The following CAMKMT variants were observed in gnomAD, a reference collection of about 807,000 sequenced individuals.
CAMKMT encodes the protein calmodulin-lysine N-methyltransferase.
CAMKMT carries 53 observed loss-of-function variants against 48.0 expected under a neutral mutation model. That is an observed-to-expected ratio of 1.10 (90% CI 0.89 to 1.39). CAMKMT has a LOEUF of 1.39. Ranked by LOEUF, CAMKMT falls within the 40% of genes most tolerant of loss-of-function variation. The probability of loss-of-function intolerance (pLI) is 0.00; values close to 1 mark genes in which losing one functional copy is unlikely to be tolerated. For missense variants in CAMKMT, 428 were observed against 402.7 expected (o/e 1.06, Z -0.54); for synonymous variants, 165 against 152.3 (o/e 1.08, Z -0.61).
Position 44,417,892 on chromosome 2 carries a change from A to T in CAMKMT, c.376+27587A>T, listed in dbSNP as rs182497122. 9.2e-5 allele frequency among the ~76,000 whole-genome samples: 14 copies of T among 152,074 alleles called. 1 individual carries two copies. Among genetic ancestry groups the T allele is most frequent in the Admixed American group, 8.5e-4 (13 of 15,256 alleles). ...ATGTTTTGCCCATTTTAAAAATCAG[A>T]TTGTCTTAATGAGTTGTAGGCCGGG... On this transcript the variant is annotated intron_variant, in intron 3 of 10. Coordinates refer to ENST00000378494, the MANE Select transcript of CAMKMT (RefSeq NM_024766.5).
intron 3 of CAMKMT, among the ~76,000 whole-genome samples, chr2:44,487,097 C>T (rs908195513): frequency 5.9e-5 from 9 of 152,042 alleles, no homozygotes; most frequent in East Asian, 1.9e-4. Context: ...TTAAATTTTA[C>T]GATAAACTAA....
intron 3 of CAMKMT, among the ~76,000 whole-genome samples, chr2:44,409,110 T>G (rs895850092): frequency 7.6e-4 from 3 of 3,942 alleles, no homozygotes; most frequent in African/African-American, 2.4e-3. Flanking sequence ...TATATATATA[T>G]ATATATATAT....
chr2:44,696,029 A>G (rs1216139496), intron 3 of CAMKMT, among the ~76,000 whole-genome samples: 3 of 151,966 alleles, frequency 2.0e-5, no homozygotes, highest in African/African-American at 7.3e-5. Context: ...TGCAACCTCC[A>G]ACTCCCAGGT....
intron 3 of CAMKMT, among the ~76,000 whole-genome samples, chr2:44,412,999 C>T (rs1475468121): frequency 6.6e-6 from 1 of 151,456 alleles, no homozygotes; most frequent in African/African-American, 2.4e-5. Flanking sequence ...TGGCTTGAAC[C>T]CGGGAAGCAG....
chr2:44,430,746 C>A (rs915249626), intron 3 of CAMKMT, among the ~76,000 whole-genome samples: 1 of 151,912 alleles, frequency 6.6e-6, no homozygotes, highest in Non-Finnish European at 1.5e-5. Flanking sequence ...GAGATTATTT[C>A]TTTCAAATAG....
chr2:44,489,313 T>C (rs1404360945), intron 3 of CAMKMT, among the ~76,000 whole-genome samples: 1 of 150,344 alleles, frequency 6.7e-6, no homozygotes, highest in East Asian at 2.0e-4. Context: ...TGGCGCAATC[T>C]TGGCTCACTG....
At chr2:44,636,115 C>T (rs965860842) in intron 3 of CAMKMT, among the ~76,000 whole-genome samples, 2 of 152,044 alleles carry the variant, frequency 1.3e-5, no homozygotes, top group Admixed American at 1.3e-4. Context: ...TAAACTTTGG[C>T]AAATTACTTT....
intron 3 of CAMKMT, among the ~76,000 whole-genome samples, chr2:44,511,794 G>A (rs567917170): frequency 1.8e-4 from 27 of 152,148 alleles, no homozygotes; most frequent in African/African-American, 2.2e-4. Flanking sequence ...TCTTTTGGTT[G>A]GGTCCCTCAC....
intron 8 of CAMKMT, among the ~76,000 whole-genome samples, chr2:44,752,582 G>A (rs1025455835): frequency 3.3e-5 from 5 of 151,624 alleles, no homozygotes; most frequent in Non-Finnish European, 5.9e-5. Flanking sequence ...AGCTGTCTTC[G>A]TCCATTTTCT....
Position 44,588,355 on chromosome 2 carries a change from G to A in CAMKMT, c.377-115928G>A, listed in dbSNP as rs1333501487. 1.1e-3 allele frequency among the ~76,000 whole-genome samples: 83 copies of A among 76,280 alleles called. 7 individuals are homozygous for A. Among genetic ancestry groups the A allele is most frequent in the Admixed American group, 2.6e-3 (20 of 7,586 alleles). The allele number at this position is 76,280 out of a possible 152,430, so 50.0% of individuals were successfully genotyped here. A position where few individuals can be genotyped will look rare whatever the true frequency, so the allele number is the denominator to read the frequency against. ...CAGCCGCCCCGTCCGGGAGGGGAGG[G>A]GCTCCTCTGCCCGGCCGCGCCTACT... On this transcript the variant is annotated intron_variant, in intron 3 of 10. Transcript: ENST00000378494.
intron 3 of CAMKMT, among the ~76,000 whole-genome samples, chr2:44,518,135 A>C (rs1042853529): frequency 3.9e-5 from 6 of 152,096 alleles, no homozygotes; most frequent in African/African-American, 1.4e-4. Flanking sequence ...ATAATGTAGG[A>C]GTATGGAAAA....
chr2:44,762,799 C>A (rs1680672981), intron 9 of CAMKMT, among the ~76,000 whole-genome samples: 1 of 152,190 alleles, frequency 6.6e-6, no homozygotes, highest in Non-Finnish European at 1.5e-5. Context: ...TTTAGTGGAA[C>A]TTCTCCCTCT....
Position 44,722,633 on chromosome 2 carries a change from C to T in CAMKMT, c.623+7280C>T, listed in dbSNP as rs371116405. ...AAGAACAAAATTACATTAAAAAATG[C>T]ACTGCACTTGAAAGTATGTAAGTTT... On this transcript the variant is annotated intron_variant, in intron 7 of 10. Coordinates refer to ENST00000378494, the MANE Select transcript of CAMKMT (RefSeq NM_024766.5). 9.9e-5 allele frequency among the ~76,000 whole-genome samples: 15 copies of T among 151,958 alleles called. No homozygotes were observed. The South Asian group carries it at 2.9e-3, about 30-fold the overall frequency.
At chr2:44,546,710 A>T (rs1367523498) in intron 3 of CAMKMT, among the ~76,000 whole-genome samples, 1 of 152,206 alleles carries the variant, frequency 6.6e-6, no homozygotes, top group Admixed American at 6.5e-5. Context: ...CACTTAGCAT[A>T]GTCAGTAGGG....
intron 3 of CAMKMT, among the ~76,000 whole-genome samples, chr2:44,611,211 C>T (rs1251175940): frequency 6.6e-6 from 1 of 152,120 alleles, no homozygotes; most frequent in Non-Finnish European, 1.5e-5. Context: ...GTGGGTGGAT[C>T]ACCCGAGGTC....
At chr2:44,498,392 A>T (rs571725409) in intron 3 of CAMKMT, among the ~76,000 whole-genome samples, 1 of 152,352 alleles carries the variant, frequency 6.6e-6, no homozygotes, top group African/African-American at 2.4e-5. Flanking sequence ...ATTTATTAAC[A>T]GAGTAGGTGG....
intron 7 of CAMKMT, among the ~76,000 whole-genome samples, chr2:44,728,937 G>A (rs1678940071): frequency 7.1e-6 from 1 of 140,478 alleles, no homozygotes; most frequent in Admixed American, 7.3e-5. Flanking sequence ...TTAGAAGGGT[G>A]TTTGCCTGAT....
At chr2:44,525,965 G>A (rs1291189511) in intron 3 of CAMKMT, among the ~76,000 whole-genome samples, 1 of 151,920 alleles carries the variant, frequency 6.6e-6, no homozygotes, top group Admixed American at 6.6e-5. Context: ...CCATTAACTC[G>A]TCATTTAGCA....
At chr2:44,394,963 A>G (rs1681692202) in intron 3 of CAMKMT, 1 of 454,960 alleles carries the variant, frequency 2.2e-6, no homozygotes, top group Non-Finnish European at 4.4e-6. Flanking sequence ...ATTTGAGGCA[A>G]GCCTGGGCAA....
Sources: gnomAD v4.1 joint callset for allele counts (sites outside exome capture counted in the v4.1 genomes callset) on GRCh38, gnomAD v4.1.1 for gene constraint, MANE v1.5 for transcripts, NCBI Gene and HGNC (gene_info 2026-07-23, HGNC 2026-07-21) for gene names.